LAMTOR5: variants seen among roughly 807,000 people sequenced by gnomAD.
LAMTOR5 encodes late endosomal/lysosomal adaptor, MAPK and MTOR activator 5.
LAMTOR5 carries 8 observed loss-of-function variants against 12.1 expected under a neutral mutation model. The observed-to-expected ratio is 0.66, with a 90% confidence interval of 0.39 to 1.19. The LOEUF (loss-of-function observed/expected upper bound fraction) is 1.19, where lower values mean the gene tolerates loss of function less well. Ranked by LOEUF, LAMTOR5 falls within the 50% of genes most tolerant of loss-of-function variation. The pLI, the probability that LAMTOR5 is intolerant of heterozygous loss-of-function variation, is 0.01. For synonymous variants in LAMTOR5, 37 were observed against 41.9 expected (o/e 0.88, Z 0.45); for missense variants, 110 against 112.8 (o/e 0.97, Z 0.11).
chr1:110,403,824 A>G, intron 3 of LAMTOR5, 95 bp downstream of exon 3: 2 of 1,522,800 alleles, frequency 1.3e-6, no homozygotes, highest in Middle Eastern at 1.8e-4. Context: ...AGTAGTCTGA[A>G]TAAGGAATCA....
At chr1:110,405,985 A>C (rs1485237926) in intron 2 of LAMTOR5, among the ~76,000 whole-genome samples, 2 of 152,262 alleles carry the variant, frequency 1.3e-5, no homozygotes, top group African/African-American at 4.8e-5. Flanking sequence ...AGAGCCTAGC[A>C]GTCTCAGCAT....
intron 3 of LAMTOR5, 54 bp from the exon 4 acceptor site, chr1:110,401,637 C>G: frequency 1.3e-6 from 2 of 1,533,248 alleles, no homozygotes; most frequent in Non-Finnish European, 1.8e-6. Flanking sequence ...GACTTCACTG[C>G]AAGATTAAAG....
intron 1 of LAMTOR5, chr1:110,407,329 T>G (rs766069989): frequency 1.7e-5 from 10 of 590,780 alleles, no homozygotes; most frequent in Non-Finnish European, 2.4e-5. Flanking sequence ...AACAACGAGA[T>G]AGGCAGTTTT....
chr1:110,401,727 A>G (rs1223576437), intron 3 of LAMTOR5, 144 bp from the exon 4 acceptor site: 1 of 863,140 alleles, frequency 1.2e-6, no homozygotes, highest in Non-Finnish European at 1.8e-6. Context: ...ACATAACAAA[A>G]CATTTGGGAA....
chr1:110,404,043 A>T lies in LAMTOR5; in HGVS notation c.98-7T>A, dbSNP rs1348135884. ...TCTGACAGGGTCCCGCGGCCTGGAAAATAGAGATGATATATGTCACCTGAT... is the reference window on the plus strand; with the variant it reads ...TCTGACAGGGTCCCGCGGCCTGGAATATAGAGATGATATATGTCACCTGAT... On this transcript the variant is annotated splice_polypyrimidine_tract_variant and splice_region_variant and intron_variant, in intron 2 of 3. Transcript: ENST00000602318. The T allele has an allele frequency of 1.2e-6, 2 of 1,613,298 alleles. No individual in the cohort carries two copies. The highest frequency in any genetic ancestry group is 1.7e-6 in the Non-Finnish European group (2 of 1,179,740).
intron 3 of LAMTOR5, among the ~76,000 whole-genome samples, chr1:110,402,097 T>G (rs1263111406): frequency 6.6e-6 from 1 of 152,172 alleles, no homozygotes; most frequent in Non-Finnish European, 1.5e-5. Flanking sequence ...CGTCCCAGCA[T>G]CACATAGCAC....
intron 3 of LAMTOR5, chr1:110,403,544 G>A (rs1663268099): frequency 1.2e-5 from 2 of 161,736 alleles, no homozygotes; most frequent in South Asian, 1.6e-4. Flanking sequence ...GCCCGGTGGG[G>A]TTGAAGTCAC....
Position 110,407,662 on chromosome 1 carries a change from C to G in LAMTOR5, c.-42G>C, listed in dbSNP as rs751837851. 10 of 1,614,228 alleles carry G rather than the reference C, an allele frequency of 6.2e-6. No homozygotes were observed. Among genetic ancestry groups the G allele is most frequent in the South Asian group, 3.3e-5 (3 of 91,084 alleles). On this transcript the variant is annotated 5_prime_UTR_variant, in exon 1 of 4. Transcript: ENST00000602318. ...TCCGGCTCAGAACCCAGCGGCACGG[C>G]ACGTCCTTCTCCACCACAGGCCTCA...
intron 1 of LAMTOR5, 139 bp from the exon 2 acceptor site, chr1:110,406,518 C>T: frequency 1.8e-6 from 1 of 568,986 alleles, no homozygotes; most frequent in Non-Finnish European, 3.0e-6. Flanking sequence ...CATTGTCACA[C>T]CCTAAGAAAA....
At chr1:110,401,729 ATTT>A in intron 3 of LAMTOR5, 146 bp from the exon 4 acceptor site, 1 of 834,794 alleles carries the variant, frequency 1.2e-6, no homozygotes, top group Non-Finnish European at 1.8e-6. Context: ...ATAACAAAAC[ATTT>A]GGGAAATACA....
At chr1:110,407,177 A>G (rs1570671420) in intron 1 of LAMTOR5, 4 of 600,326 alleles carry the variant, frequency 6.7e-6, no homozygotes, top group Admixed American at 2.7e-5. Context: ...CTTAAGCACC[A>G]AGTAACTGAT....
At position 110,401,751 on chromosome 1, in the gene LAMTOR5, T is replaced by C. The variant is rs932390487; in HGVS notation, c.216-168A>G. ...AACATTTGGGAAATACATAAACATA[T>C]AGCATGTGAACACGAAATGAATCCT... is the stretch of plus-strand genomic sequence containing the variant. On this transcript the variant is annotated intron_variant, in intron 3 of 3. Coordinates refer to ENST00000602318, the MANE Select transcript of LAMTOR5 (RefSeq NM_001382293.1). Among the ~76,000 whole-genome samples the C allele has an allele frequency of 2.6e-5, 4 of 152,210 alleles. No individual in the cohort carries two copies. The East Asian group carries it at 5.8e-4, about 22-fold the overall frequency.
chr1:110,403,771 C>T, intron 3 of LAMTOR5, 148 bp downstream of exon 3: 1 of 1,264,240 alleles, frequency 7.9e-7, no homozygotes, highest in Non-Finnish European at 1.1e-6. Flanking sequence ...TAGGGATCAA[C>T]TTGTCTGTTC....
intron 2 of LAMTOR5, among the ~76,000 whole-genome samples, chr1:110,404,252 G>A (rs1570670328): frequency 6.8e-6 from 1 of 147,772 alleles, no homozygotes; most frequent in Admixed American, 6.8e-5. Flanking sequence ...ATATATTTCT[G>A]TATATAAAGG....
intron 2 of LAMTOR5, among the ~76,000 whole-genome samples, chr1:110,405,217 A>G (rs1663304693): frequency 6.6e-6 from 1 of 151,372 alleles, no homozygotes; most frequent in Non-Finnish European, 1.5e-5. Context: ...CTGGAGTGCA[A>G]TGGTGCAATC....
At chr1:110,402,177 G>A (rs1663242646) in intron 3 of LAMTOR5, among the ~76,000 whole-genome samples, 1 of 152,128 alleles carries the variant, frequency 6.6e-6, no homozygotes, top group Non-Finnish European at 1.5e-5. Context: ...AAAAAGTATA[G>A]CACATACAAT....
upstream of LAMTOR5, chr1:110,407,894 C>T (rs1663374380): frequency 6.2e-7 from 1 of 1,602,992 alleles, no homozygotes; most frequent in South Asian, 1.1e-5. Flanking sequence ...CGGATTATTC[C>T]CCTCTCGGGA....
At chr1:110,405,517 T>C (rs1663310295) in intron 2 of LAMTOR5, among the ~76,000 whole-genome samples, 1 of 152,006 alleles carries the variant, frequency 6.6e-6, no homozygotes, top group South Asian at 2.1e-4. Flanking sequence ...AAAATAGAGA[T>C]GGGGGGTCTC....
At position 110,403,941 on chromosome 1, in the gene LAMTOR5, C is replaced by T. The variant is rs758729220; in HGVS notation, c.193G>A (p.Val65Met). The stretch of plus-strand genomic sequence containing the variant: ...CACCCATTATCTGATTCTAGACACA[C>T]CACAGGAATATCAGTGGGGTCAGAG... The part of the protein sequence containing the change: ...LTSDPTDIPV[V>M]CLESDNGNIM... The change falls in exon 3 of 4, where the codon GTG (valine) becomes ATG (methionine). Residue 65 changes from valine (V) to methionine (M), a missense_variant. Physicochemically the swap from Val to Met is conservative, Grantham distance 21. Transcript: ENST00000602318. 3 of 1,614,170 alleles carry T rather than the reference C, an allele frequency of 1.9e-6. No individual in the cohort carries two copies. In the South Asian group the frequency reaches 3.3e-5, roughly 18 times the overall value.
Sources: gnomAD v4.1 joint callset for allele counts (sites outside exome capture counted in the v4.1 genomes callset) on GRCh38, gnomAD v4.1.1 for gene constraint, MANE v1.5 for transcripts, NCBI Gene and HGNC (gene_info 2026-07-23, HGNC 2026-07-21) for gene names.